RAD51B: variants seen among roughly 807,000 people sequenced by gnomAD.
RAD51B encodes DNA repair protein RAD51 homolog 2.
A neutral mutation model predicts 42.2 loss-of-function variants in RAD51B; 38 were observed. The ratio of observed to expected loss-of-function variants is 0.90; its 90% CI spans 0.70 to 1.18. The LOEUF (loss-of-function observed/expected upper bound fraction) is 1.18, where lower values mean the gene tolerates loss of function less well. Among genes scored for constraint, RAD51B ranks in the 50% most tolerant of loss-of-function variants. RAD51B has a pLI of 0.00. For missense variants in RAD51B, 373 were observed against 400.7 expected (o/e 0.93, Z 0.59); for synonymous variants, 154 against 145.2 (o/e 1.06, Z -0.43).
chr14:68,551,102 C>T (rs562759777), intron 10 of RAD51B, among the ~76,000 whole-genome samples: 24 of 152,084 alleles, frequency 1.6e-4, no homozygotes, highest in Non-Finnish European at 3.2e-4. Flanking sequence ...TCCATTCTTC[C>T]GGAGGCCTGG....
At chr14:68,594,033 C>T (rs1890873964) in intron 10 of RAD51B, among the ~76,000 whole-genome samples, 1 of 152,174 alleles carries the variant, frequency 6.6e-6, no homozygotes, top group Non-Finnish European at 1.5e-5. Context: ...TCAGGCTGGG[C>T]AGGGGTGTCT....
intron 7 of RAD51B, among the ~76,000 whole-genome samples, chr14:68,217,448 T>C (rs2079838960): frequency 6.6e-6 from 1 of 152,222 alleles, no homozygotes; most frequent in South Asian, 2.1e-4. Context: ...ACATAACTGC[T>C]ATTTTCATTA....
intron 7 of RAD51B, among the ~76,000 whole-genome samples, chr14:68,157,543 T>C (rs1266625262): frequency 6.6e-6 from 1 of 152,218 alleles, no homozygotes. Context: ...AGAAAACTTC[T>C]GTCCTGCAGT....
At chr14:68,550,743 G>T (rs994380503) in intron 10 of RAD51B, among the ~76,000 whole-genome samples, 5 of 152,168 alleles carry the variant, frequency 3.3e-5, no homozygotes, top group Admixed American at 2.6e-4. Context: ...TGGAAGTTCT[G>T]CTGTACCCAG....
At chr14:67,911,412 A>T in intron 7 of RAD51B, among the ~76,000 whole-genome samples, 1 of 152,172 alleles carries the variant, frequency 6.6e-6, no homozygotes, top group African/African-American at 2.4e-5. Context: ...ATTTTACACC[A>T]CTTTGAGTTG....
chr14:68,572,651 A>G (rs1889763699), intron 10 of RAD51B, among the ~76,000 whole-genome samples: 1 of 151,980 alleles, frequency 6.6e-6, no homozygotes. Context: ...ACCTGATCCC[A>G]GACTATCCAC....
intron 7 of RAD51B, among the ~76,000 whole-genome samples, chr14:68,284,983 TCTGC>T (rs2081386169): frequency 6.6e-6 from 1 of 152,200 alleles, no homozygotes. Flanking sequence ...CTCTCTTCCT[TCTGC>T]CTCTTGCCCT....
chr14:68,557,715 G>T (rs1170960323), intron 10 of RAD51B, among the ~76,000 whole-genome samples: 1 of 152,174 alleles, frequency 6.6e-6, no homozygotes, highest in African/African-American at 2.4e-5. Context: ...AACTCCAGTG[G>T]CCTCGAAAAT....
chr14:67,896,802 C>G (rs2043436068), intron 7 of RAD51B, among the ~76,000 whole-genome samples: 2 of 152,090 alleles, frequency 1.3e-5, no homozygotes, highest in South Asian at 2.1e-4. Context: ...ACAGTTAATA[C>G]AGTTACCTTC....
intron 10 of RAD51B, among the ~76,000 whole-genome samples, chr14:68,526,612 T>A (rs887560162): frequency 1.2e-4 from 19 of 152,152 alleles, no homozygotes; most frequent in Admixed American, 4.6e-4. Flanking sequence ...AAGCCTGTGT[T>A]TAGAGTTATG....
chr14:68,652,652 A>T (rs1595047913), intron 11 of RAD51B, among the ~76,000 whole-genome samples: 1 of 152,172 alleles, frequency 6.6e-6, no homozygotes, highest in East Asian at 1.9e-4. Flanking sequence ...CCTTCCATTC[A>T]ATCACCTCCT....
intron 8 of RAD51B, among the ~76,000 whole-genome samples, chr14:68,358,116 G>C (rs2082945761): frequency 6.6e-6 from 1 of 152,200 alleles, no homozygotes; most frequent in Non-Finnish European, 1.5e-5. Flanking sequence ...AGGTGTGGTT[G>C]ATGGTGCCCA....
chr14:67,830,890 AT>A (rs113745780), intron 3 of RAD51B, among the ~76,000 whole-genome samples: 57 of 145,390 alleles, frequency 3.9e-4, no homozygotes, highest in Middle Eastern at 7.1e-3. Flanking sequence ...TACTTGTGTA[AT>A]TTTTTTTTTT....
At chr14:68,131,561 T>A (rs2077892636) in intron 7 of RAD51B, among the ~76,000 whole-genome samples, 1 of 152,086 alleles carries the variant, frequency 6.6e-6, no homozygotes, top group Non-Finnish European at 1.5e-5. Flanking sequence ...CCAGGCGTGG[T>A]GTCATGCGTC....
intron 7 of RAD51B, among the ~76,000 whole-genome samples, chr14:68,104,641 A>G (rs1235060772): frequency 6.6e-6 from 1 of 152,160 alleles, no homozygotes; most frequent in Non-Finnish European, 1.5e-5. Flanking sequence ...GCTTTGGAAT[A>G]GGGTTATCTC....
At chr14:68,206,282 G>A (rs2079583171) in intron 7 of RAD51B, among the ~76,000 whole-genome samples, 1 of 152,082 alleles carries the variant, frequency 6.6e-6, no homozygotes, top group African/African-American at 2.4e-5. Context: ...TTGATCTCCA[G>A]GTCAAGGCAT....
At chr14:67,851,173 G>C (rs2041793850) in intron 4 of RAD51B, among the ~76,000 whole-genome samples, 1 of 152,102 alleles carries the variant, frequency 6.6e-6, no homozygotes, top group Non-Finnish European at 1.5e-5. Flanking sequence ...ATGTGGTAAA[G>C]TACTAGCAAA....
intron 10 of RAD51B, among the ~76,000 whole-genome samples, chr14:68,558,927 C>T (rs1594972335): frequency 6.6e-6 from 1 of 151,978 alleles, no homozygotes; most frequent in Non-Finnish European, 1.5e-5. Flanking sequence ...TGGGTGACTC[C>T]GTATCTGTGT....
chr14:68,200,371 G>T (rs778337625), intron 7 of RAD51B, among the ~76,000 whole-genome samples: 5 of 152,144 alleles, frequency 3.3e-5, no homozygotes, highest in Non-Finnish European at 5.9e-5. Context: ...CTTGGAGAAG[G>T]CAGTGAACAG....
Sources: gnomAD v4.1 joint callset for allele counts (sites outside exome capture counted in the v4.1 genomes callset) on GRCh38, gnomAD v4.1.1 for gene constraint, MANE v1.5 for transcripts, NCBI Gene and HGNC (gene_info 2026-07-23, HGNC 2026-07-21) for gene names.